The following RABEP1 variants were observed in gnomAD, a reference collection of about 807,000 sequenced individuals.
RABEP1 encodes the protein rab GTPase-binding effector protein 1.
A neutral mutation model predicts 123.4 loss-of-function variants in RABEP1; 51 were observed. The observed-to-expected ratio is 0.41, with a 90% CI of 0.33 to 0.52. The LOEUF (loss-of-function observed/expected upper bound fraction) is 0.52. Among genes scored for constraint, RABEP1 ranks in the 20% least tolerant of loss-of-function variants. The pLI is 0.16. For synonymous variants in RABEP1, 347 were observed against 355.2 expected (o/e 0.98, Z 0.26); for missense variants, 888 against 996.3 (o/e 0.89, Z 1.46).
chr17:5,284,508 C>T (rs2074958683), intron 1 of RABEP1, among the ~76,000 whole-genome samples: 1 of 151,606 alleles, frequency 6.6e-6, no homozygotes, highest in South Asian at 2.1e-4. Context: ...CTCTGTTGCC[C>T]AGGCTGGAGA....
Position 5,368,465 on chromosome 17 carries a change from G to C in RABEP1, c.1881G>C (p.Gln627His). 6.2e-7 allele frequency: 1 copy of C among 1,608,570 alleles called. No individual in the cohort carries two copies. Among genetic ancestry groups the C allele is most frequent in the Non-Finnish European group, 8.5e-7 (1 of 1,175,408 alleles). ...AGGCAAAGAGGGATGTTCAGGAACA[G>C]ATGGTAAGTTTACATTTTAAGTAAA... ...LSQAKRDVQE[Q>H]MAVLMQSREQ... Residue 627 changes from glutamine to histidine, a missense_variant, in exon 12 of 18, where the codon CAG (glutamine) becomes CAC (histidine). Transcript: ENST00000537505.
chr17:5,286,170 T>G (rs975052387), intron 1 of RABEP1, among the ~76,000 whole-genome samples: 1 of 152,236 alleles, frequency 6.6e-6, no homozygotes, highest in African/African-American at 2.4e-5. Flanking sequence ...TGATGTCATT[T>G]GTTTTAAATT....
chr17:5,288,114 A>G (rs1266986699), intron 1 of RABEP1, among the ~76,000 whole-genome samples: 2 of 152,096 alleles, frequency 1.3e-5, no homozygotes, highest in Non-Finnish European at 2.9e-5. Flanking sequence ...CTGAGCAACT[A>G]GATGAACACA....
At chr17:5,291,384 C>T (rs918387392) in intron 1 of RABEP1, among the ~76,000 whole-genome samples, 4 of 152,124 alleles carry the variant, frequency 2.6e-5, no homozygotes, top group African/African-American at 9.7e-5. Context: ...TGCACTCCAG[C>T]CCGGGCGACA....
In RABEP1 at chr17:5,282,520, G is replaced by C; in HGVS notation, c.34G>C (p.Val12Leu). ...GCCGGGCCCGGCTTCCCAGCCTGAC[G>C]GTGAGGCGCCCACCATGGCAGGCGC... ...AQPGPASQPD[V>L]SLQQRVAELE... The change falls in exon 1 of 18, where the codon GTT (valine) becomes CTT (leucine). Residue 12 changes from valine to leucine, a missense_variant and splice_region_variant. Physicochemically the swap from Val to Leu is conservative, Grantham distance 32 (BLOSUM62 1). Transcript: ENST00000537505. The C allele has an allele frequency of 8.1e-7, 1 of 1,232,724 alleles. No individual in the cohort carries two copies. Among genetic ancestry groups the C allele is most frequent in the Non-Finnish European group, 1.0e-6 (1 of 985,618 alleles). The allele number at this position is 1,232,724 out of a possible 1,614,324, so 76.4% of individuals were successfully genotyped here.
intron 2 of RABEP1, among the ~76,000 whole-genome samples, chr17:5,326,580 T>C (rs1347264855): frequency 6.6e-6 from 1 of 152,172 alleles, no homozygotes; most frequent in Non-Finnish European, 1.5e-5. Context: ...CGTTACACAT[T>C]TGTTAAAACC....
chr17:5,302,059 TTGAC>T (rs1300888981), intron 1 of RABEP1, among the ~76,000 whole-genome samples: 1 of 152,022 alleles, frequency 6.6e-6, no homozygotes, highest in African/African-American at 2.4e-5. Flanking sequence ...ATGTGGAACT[TTGAC>T]TAAGTTTAGT....
At chr17:5,304,132 T>C (rs1435413250) in intron 1 of RABEP1, among the ~76,000 whole-genome samples, 2 of 152,230 alleles carry the variant, frequency 1.3e-5, no homozygotes, top group South Asian at 2.1e-4. Flanking sequence ...TTTTAAGTTA[T>C]TGCGTGTTCT....
At chr17:5,284,732 C>T (rs1037148924) in intron 1 of RABEP1, among the ~76,000 whole-genome samples, 4 of 151,968 alleles carry the variant, frequency 2.6e-5, no homozygotes, top group African/African-American at 9.7e-5. Flanking sequence ...TCCCAAAGTG[C>T]TAGGATTGTA....
rs1416118748 is a variant in RABEP1 at position 5,294,792 on chromosome 17, C to T, written c.34+12272C>T. ...CCTCCCGAGTAGCTGGGACTACAGG[C>T]GCCTGCCACCACGCCAGGCTAATTT... On this transcript the variant is annotated intron_variant, in intron 1 of 17. Transcript: ENST00000537505. Among the ~76,000 whole-genome samples, 8 of 150,490 alleles carry T rather than the reference C, an allele frequency of 5.3e-5. No individual in the cohort carries two copies. In the South Asian group the frequency reaches 1.5e-3, roughly 28 times the overall value.
At chr17:5,284,040 A>T (rs2074953901) in intron 1 of RABEP1, 1 of 152,254 alleles carries the variant, frequency 6.6e-6, no homozygotes, top group Non-Finnish European at 1.5e-5. Context: ...GAGGCAAGAT[A>T]CAGAGAGCTT....
intron 2 of RABEP1, among the ~76,000 whole-genome samples, chr17:5,316,322 G>C (rs1205101728): frequency 2.0e-5 from 3 of 151,422 alleles, no homozygotes; most frequent in African/African-American, 7.3e-5. Flanking sequence ...ATGGCAGTGT[G>C]GGCCGTAGTC....
At chr17:5,301,863 G>C (rs2075137940) in intron 1 of RABEP1, among the ~76,000 whole-genome samples, 1 of 152,124 alleles carries the variant, frequency 6.6e-6, no homozygotes, top group African/African-American at 2.4e-5. Flanking sequence ...CAGTTCAAGT[G>C]GGAAGGGTTT....
At position 5,381,752 on chromosome 17, in the gene RABEP1, G is replaced by GCA. The variant is rs1420305636; in HGVS notation, c.2487+248_2487+249dup. On this transcript the variant is annotated intron_variant, in intron 17 of 17. Coordinates refer to ENST00000537505, the MANE Select transcript of RABEP1 (RefSeq NM_004703.6). ...TTATGAGTAAAGTACTGACTCCTTA[G>GCA]CATACCATGTAAGACTCTTCCCAAC... 10 of 404,104 alleles carry GCA rather than the reference G, an allele frequency of 2.5e-5. No homozygotes were observed. The Admixed American group carries it at 4.2e-4, about 17-fold the overall frequency. 25.0% of individuals were successfully genotyped at this position (404,104 alleles called of 1,614,324 possible).
intron 1 of RABEP1, among the ~76,000 whole-genome samples, chr17:5,299,731 C>CTTTTTTTTTTTTT (rs1171650180): frequency 7.2e-5 from 7 of 96,858 alleles, no homozygotes; most frequent in Non-Finnish European, 1.1e-4. Context: ...TTTTCTTTTT[C>CTTTTTTTTTTTTT]TTTTTTTTTT....
chr17:5,361,663 C>G lies in RABEP1; in HGVS notation c.1551C>G (p.Leu517=). The part of the protein sequence containing the change: ...YRLVSETEWN[L]LQKEVHNAGN... ...TAGTTAGTGAAACAGAATGGAATCT[C>G]TTGCAGAAAGAGGTGAGTTACCTTT... is the stretch of plus-strand genomic sequence containing the variant. Residue 517 remains leucine (L), a synonymous_variant, in exon 9 of 18, where the codon CTC becomes CTG. Coordinates refer to ENST00000537505, the MANE Select transcript of RABEP1 (RefSeq NM_004703.6). 1.2e-6 allele frequency: 2 copies of G among 1,603,370 alleles called. No individual in the cohort carries two copies. Among genetic ancestry groups the G allele is most frequent in the Non-Finnish European group, 1.7e-6 (2 of 1,175,286 alleles).
chr17:5,327,527 C>T lies in RABEP1; in HGVS notation c.164-4422C>T, dbSNP rs115578512. Among the ~76,000 whole-genome samples, 1,263 of 152,162 alleles carry T rather than the reference C, an allele frequency of 8.3e-3. 15 individuals are homozygous for T. The highest frequency in any genetic ancestry group is 0.028 in the African/African-American group (1,164 of 41,522). ...GTATGTTTTTTGTTGTTGACTAAAA[C>T]GTGATTATTTTGCATGTGACTATGT... On this transcript the variant is annotated intron_variant, in intron 2 of 17. Coordinates refer to ENST00000537505, the MANE Select transcript of RABEP1 (RefSeq NM_004703.6).
chr17:5,374,891 C>T (rs1394852699), intron 13 of RABEP1, among the ~76,000 whole-genome samples: 1 of 152,172 alleles, frequency 6.6e-6, no homozygotes, highest in East Asian at 1.9e-4. Context: ...ATCCGCCCGC[C>T]TTGGCCTCCC....
At chr17:5,370,080 A>G (rs1197774094) in intron 12 of RABEP1, among the ~76,000 whole-genome samples, 1 of 152,186 alleles carries the variant, frequency 6.6e-6, no homozygotes, top group Non-Finnish European at 1.5e-5. Flanking sequence ...TGTCAGTGAC[A>G]CTGGAGAACT....
Sources: gnomAD v4.1 joint callset for allele counts (sites outside exome capture counted in the v4.1 genomes callset) on GRCh38, gnomAD v4.1.1 for gene constraint, MANE v1.5 for transcripts, NCBI Gene and HGNC (gene_info 2026-07-23, HGNC 2026-07-21) for gene names.